The following MTR variants were observed in gnomAD, a reference collection of about 807,000 sequenced individuals.
MTR encodes methionine synthase.
MTR carries 84 observed loss-of-function variants against 154.8 expected under a neutral mutation model. The observed-to-expected ratio is 0.54, with a 90% CI of 0.45 to 0.65. The LOEUF (loss-of-function observed/expected upper bound fraction) is 0.65, where lower values mean the gene tolerates loss of function less well. MTR is among the 30% of genes least tolerant of loss of function. The pLI, the probability that MTR is intolerant of heterozygous loss-of-function variation, is 0.00. For synonymous variants in MTR, 554 were observed against 553.9 expected (o/e 1.00, Z 0.00); for missense variants, 1,275 against 1,570.2 (o/e 0.81, Z 3.18).
At chr1:236,871,930 G>GC (rs1455833835) in intron 22 of MTR, among the ~76,000 whole-genome samples, 4 of 151,984 alleles carry the variant, frequency 2.6e-5, no homozygotes, top group African/African-American at 7.3e-5. Flanking sequence ...TCCCCTTCCT[G>GC]CCCCAGCGTT....
At chr1:236,852,851 T>A in intron 17 of MTR, 97 bp from the exon 18 acceptor site, 1 of 1,447,094 alleles carries the variant, frequency 6.9e-7, no homozygotes, top group Non-Finnish European at 9.7e-7. Flanking sequence ...GGCTATGGCC[T>A]AAAATATTTC....
intron 22 of MTR, among the ~76,000 whole-genome samples, chr1:236,867,838 A>G (rs1202739483): frequency 6.6e-6 from 1 of 152,212 alleles, no homozygotes; most frequent in Non-Finnish European, 1.5e-5. Context: ...ATGGGAATGA[A>G]TTGCTACAAT....
intron 29 of MTR, among the ~76,000 whole-genome samples, chr1:236,893,499 T>G (rs1344564793): frequency 6.6e-6 from 1 of 152,190 alleles, no homozygotes; most frequent in Non-Finnish European, 1.5e-5. Context: ...CCTGATTTCT[T>G]GTCTGTAAAA....
intron 8 of MTR, chr1:236,820,549 A>G (rs1661870798): frequency 4.3e-6 from 3 of 689,674 alleles, no homozygotes; most frequent in Admixed American, 2.2e-5. Flanking sequence ...GTTAAGTAAC[A>G]TGGAAATAAG....
Position 236,861,106 on chromosome 1 carries a change from T to TTTTTTTTTTTTTTTTTTG in MTR, c.2044-12_2044-11insTTTTTTTTTTGTTTTTTT. On this transcript the variant is annotated intron_variant, in intron 19 of 32. Coordinates refer to ENST00000366577, the MANE Select transcript of MTR (RefSeq NM_000254.3). ...TTCTTTCTTTCTTTTTCTTTTTTTTTTTTTTTTGTCTTTTTTAGGGCATTG... is the reference window on the plus strand; with the variant it reads ...TTCTTTCTTTCTTTTTCTTTTTTTTTTTTTTTTTTTTTTTTTTGTTTTTTTGTCTTTTTTAGGGCATTG... 1 of 1,508,458 alleles carries TTTTTTTTTTTTTTTTTTG rather than the reference T, an allele frequency of 6.6e-7. No homozygotes were observed. Among genetic ancestry groups the TTTTTTTTTTTTTTTTTTG allele is most frequent in the East Asian group, 2.4e-5 (1 of 41,984 alleles). 93.4% of individuals were successfully genotyped at this position (1,508,458 alleles called of 1,614,324 possible). A position where few individuals can be genotyped will look rare whatever the true frequency, so the allele number is the denominator to read the frequency against.
intron 23 of MTR, 66 bp from the exon 24 acceptor site, chr1:236,874,654 ATCCTTT>A: frequency 7.7e-7 from 1 of 1,300,872 alleles, no homozygotes; most frequent in Middle Eastern, 2.6e-4. Context: ...ATGGATCTTC[ATCCTTT>A]TCCTTTTTCT....
chr1:236,795,623 G>T lies in MTR; in HGVS notation c.-81G>T. The T allele has an allele frequency of 6.2e-7, 1 of 1,606,028 alleles. No homozygotes were observed. The highest frequency in any genetic ancestry group is 8.5e-7 in the Non-Finnish European group (1 of 1,178,562). Reference sequence around the variant, plus strand: ...GTGGCAGGCTCGCCTGGCGCTGGCTGGCGTGGCCCTTGGCCGTCGTCACCT... The same window carrying T: ...GTGGCAGGCTCGCCTGGCGCTGGCTTGCGTGGCCCTTGGCCGTCGTCACCT... On this transcript the variant is annotated 5_prime_UTR_variant, in exon 1 of 33. Transcript: ENST00000366577.
chr1:236,837,378 C>T (rs1572238929), intron 14 of MTR, among the ~76,000 whole-genome samples: 3 of 152,324 alleles, frequency 2.0e-5, no homozygotes, highest in Middle Eastern at 3.4e-3. Context: ...CCTGGATTTT[C>T]CTGCCCCATT....
chr1:236,859,710 T>G, intron 18 of MTR, 123 bp from the exon 19 acceptor site: 1 of 752,590 alleles, frequency 1.3e-6, no homozygotes. Context: ...GACAGTCTAC[T>G]AGGGGCTGGA....
intron 27 of MTR, among the ~76,000 whole-genome samples, chr1:236,886,991 T>G (rs1388304560): frequency 5.3e-5 from 8 of 152,268 alleles, no homozygotes; most frequent in Admixed American, 5.2e-4. Context: ...TTTCTTCCTT[T>G]TTTTAAATTT....
chr1:236,872,078 G>A (rs1665166147), intron 22 of MTR, among the ~76,000 whole-genome samples: 1 of 152,156 alleles, frequency 6.6e-6, no homozygotes, highest in Middle Eastern at 3.2e-3. Context: ...CATGCTGTAA[G>A]TTTTTCAACA....
In MTR at chr1:236,835,597, G is replaced by A; in HGVS notation, c.1239G>A (p.Leu413=). ...AGGTGGAAATGGGAGCCCAGGTGTT[G>A]GATGTCAACATGGATGATGGCATGC... ...KVQVEMGAQV[L]DVNMDDGMLD... Residue 413 remains leucine (L), a synonymous_variant, in exon 14 of 33, where the codon TTG becomes TTA. Coordinates refer to ENST00000366577, the MANE Select transcript of MTR (RefSeq NM_000254.3). 3 of 1,611,074 alleles carry A rather than the reference G, an allele frequency of 1.9e-6. No homozygotes were observed. In the South Asian group the frequency reaches 3.3e-5, roughly 18 times the overall value.
intron 9 of MTR, 22 bp downstream of exon 9, chr1:236,824,241 C>T: frequency 6.5e-7 from 1 of 1,547,160 alleles, no homozygotes; most frequent in Non-Finnish European, 8.9e-7. Flanking sequence ...AAGGGGGTCA[C>T]ACATGGGGAG....
At position 236,795,922 on chromosome 1, in the gene MTR, T is replaced by G. The variant is rs529992678; in HGVS notation, c.34+185T>G. On this transcript the variant is annotated intron_variant, in intron 1 of 32. Transcript: ENST00000366577. ...GCTACGTGTTTTGCTCCACTCTTTGTCCGACCTTCACCTCTTTCTCCCCAG... is the reference window on the plus strand; with the variant it reads ...GCTACGTGTTTTGCTCCACTCTTTGGCCGACCTTCACCTCTTTCTCCCCAG... Among the ~76,000 whole-genome samples, 387 of 152,350 alleles carry G rather than the reference T, an allele frequency of 2.5e-3. 1 individual carries two copies. The highest frequency in any genetic ancestry group is 8.7e-3 in the Admixed American group (133 of 15,308).
At chr1:236,881,936 C>T (rs1035915054) in intron 25 of MTR, among the ~76,000 whole-genome samples, 1 of 152,138 alleles carries the variant, frequency 6.6e-6, no homozygotes, top group Non-Finnish European at 1.5e-5. Context: ...TGAGACCACA[C>T]GTCTGTCAAA....
At chr1:236,842,702 C>T (rs76344770) in intron 15 of MTR, among the ~76,000 whole-genome samples, 3,481 of 150,882 alleles carry the variant, frequency 0.023, 58 homozygotes, top group Non-Finnish European at 0.037. Flanking sequence ...GAGGAGACAA[C>T]GGAGAATAAA....
intron 18 of MTR, among the ~76,000 whole-genome samples, chr1:236,856,762 A>T (rs1664230644): frequency 6.6e-6 from 1 of 152,006 alleles, no homozygotes; most frequent in Non-Finnish European, 1.5e-5. Flanking sequence ...ACTCCCACTT[A>T]TGAGTGAGAA....
intron 3 of MTR, among the ~76,000 whole-genome samples, chr1:236,808,092 T>C (rs1408760375): frequency 6.6e-6 from 1 of 152,188 alleles, no homozygotes. Flanking sequence ...TTCTCCTGAC[T>C]TGGTCTGTGG....
chr1:236,815,958 G>A (rs1415486150), intron 7 of MTR, among the ~76,000 whole-genome samples: 1 of 152,154 alleles, frequency 6.6e-6, no homozygotes, highest in East Asian at 1.9e-4. Flanking sequence ...TAGGGCCCAA[G>A]GAGGGGTGGA....
Sources: allele counts gnomAD v4.1 joint callset (sites outside exome capture counted in the v4.1 genomes callset), GRCh38; gene constraint gnomAD v4.1.1; transcripts MANE v1.5; gene names NCBI Gene and HGNC (gene_info 2026-07-23, HGNC 2026-07-21).